ACSF2: variants seen among roughly 807,000 people sequenced by gnomAD.
ACSF2 encodes the protein medium-chain acyl-CoA ligase ACSF2, mitochondrial.
In ACSF2, 52 loss-of-function variants were observed where a neutral mutation model predicts 79.3. The observed-to-expected ratio is 0.66, with a 90% CI of 0.53 to 0.83. ACSF2 has a LOEUF of 0.83. ACSF2 is among the 40% of genes least tolerant of loss of function. The pLI is 0.00. For missense variants in ACSF2, 661 were observed against 803.3 expected (o/e 0.82, Z 2.14); for synonymous variants, 283 against 312.6 (o/e 0.91, Z 1.00).
rs146402683 is a variant in ACSF2 at position 50,449,168 on chromosome 17, C to A, written c.129-11509C>A. 7.9e-5 allele frequency among the ~76,000 whole-genome samples: 12 copies of A among 151,852 alleles called. No individual in the cohort carries two copies. In the East Asian group the frequency reaches 2.1e-3, roughly 27 times the overall value. ...AGTAGCCGGGACTACAGGCGCCCAC[C>A]ACAATGCCCAGCTAATTTTTGTGTT... is the stretch of plus-strand genomic sequence containing the variant. On this transcript the variant is annotated intron_variant, in intron 1 of 15. Coordinates refer to ENST00000300441, the MANE Select transcript of ACSF2 (RefSeq NM_025149.6).
At chr17:50,468,544 C>T (rs766967314) in intron 10 of ACSF2, 1 of 1,614,252 alleles carries the variant, frequency 6.2e-7, no homozygotes, top group Non-Finnish European at 8.5e-7. Context: ...CACCGGCGGC[C>T]ACCTCGCGGA....
At chr17:50,426,767 G>A in intron 1 of ACSF2, 1 of 926,776 alleles carries the variant, frequency 1.1e-6, no homozygotes, top group Non-Finnish European at 1.6e-6. Context: ...CCCTTCATGG[G>A]CAAACTTGGG....
At chr17:50,469,676 C>T (rs2033009052) in intron 10 of ACSF2, among the ~76,000 whole-genome samples, 1 of 152,242 alleles carries the variant, frequency 6.6e-6, no homozygotes, top group South Asian at 2.1e-4. Context: ...CCTTCATCGC[C>T]CCGAAATATC....
intron 1 of ACSF2, among the ~76,000 whole-genome samples, chr17:50,431,397 C>G (rs77721157): frequency 7.9e-4 from 120 of 152,302 alleles, no homozygotes; most frequent in Non-Finnish European, 1.7e-3. Flanking sequence ...TTAAAGATGT[C>G]AATCAAAGCA....
At chr17:50,470,176 C>A (rs1359647940) in intron 10 of ACSF2, 1 of 152,132 alleles carries the variant, frequency 6.6e-6, no homozygotes, top group Non-Finnish European at 1.5e-5. Context: ...TTAAAGGGGA[C>A]CTAGGATACG....
chr17:50,453,743 G>A (rs2031815831), intron 1 of ACSF2, among the ~76,000 whole-genome samples: 1 of 151,726 alleles, frequency 6.6e-6, no homozygotes, highest in African/African-American at 2.4e-5. Flanking sequence ...GTAGTTTTTT[G>A]TGGTTGTTGT....
chr17:50,445,086 T>A (rs1439045077), intron 1 of ACSF2, among the ~76,000 whole-genome samples: 2 of 152,006 alleles, frequency 1.3e-5, no homozygotes, highest in Non-Finnish European at 2.9e-5. Flanking sequence ...GGCTAATTTT[T>A]AAATTTTTTA....
intron 10 of ACSF2, among the ~76,000 whole-genome samples, chr17:50,467,405 G>T (rs1002850262): frequency 2.6e-5 from 4 of 152,202 alleles, no homozygotes; most frequent in African/African-American, 9.6e-5. Flanking sequence ...GGGAGCCCTT[G>T]GTCCCACGCC....
At chr17:50,442,325 ATTTTTTT>A (rs34855383) in intron 1 of ACSF2, among the ~76,000 whole-genome samples, 2 of 117,268 alleles carry the variant, frequency 1.7e-5, no homozygotes, top group African/African-American at 6.8e-5. Context: ...AAACAAAACA[ATTTTTTT>A]TTTTTTTTTT....
intron 10 of ACSF2, chr17:50,468,139 C>T: frequency 6.2e-7 from 1 of 1,614,164 alleles, no homozygotes; most frequent in Non-Finnish European, 8.5e-7. Context: ...TGTGGGACAG[C>T]TTCAGCTCCT....
Position 50,426,380 on chromosome 17 carries a change from G to T in ACSF2, c.119G>T (p.Arg40Leu), listed in dbSNP as rs1405753802. The change falls in exon 1 of 16, where the codon CGC becomes CTC. Residue 40 changes from arginine to leucine, a missense_variant. Transcript: ENST00000300441. ...SWQEARLQGV[R>L]FLSSREVDRM... ...CAGGAAGCCAGGTTGCAGGGTGTCC[G>T]CTTCCTCAGGTACTGGCCCCCCGCG... 8.0e-6 allele frequency: 11 copies of T among 1,370,610 alleles called. No homozygotes were observed. Among genetic ancestry groups the T allele is most frequent in the Non-Finnish European group, 9.5e-6 (10 of 1,054,576 alleles). The allele number at this position is 1,370,610 out of a possible 1,614,324, so 84.9% of individuals were successfully genotyped here. A position where few individuals can be genotyped will look rare whatever the true frequency, so the allele number is the denominator to read the frequency against.
chr17:50,465,822 A>T (rs139263357), intron 10 of ACSF2: 5 of 1,613,802 alleles, frequency 3.1e-6, no homozygotes, highest in Non-Finnish European at 4.2e-6. Context: ...TTGTTCTCCA[A>T]ATGGACGTGT....
intron 1 of ACSF2, among the ~76,000 whole-genome samples, chr17:50,432,914 A>G (rs1427688353): frequency 1.3e-5 from 2 of 152,100 alleles, no homozygotes; most frequent in Non-Finnish European, 2.9e-5. Context: ...CCTGATCCCT[A>G]AACCCAATAA....
rs1189519750 is a variant in ACSF2 at position 50,474,733 on chromosome 17, G to A, written c.*181G>A. On this transcript the variant is annotated 3_prime_UTR_variant, in exon 16 of 16. Coordinates refer to ENST00000300441, the MANE Select transcript of ACSF2 (RefSeq NM_025149.6). The surrounding 1 kb of genome is among the most constrained non-coding windows in gnomAD (Gnocchi z 4.2). Reference sequence around the variant, plus strand: ...GTCCGGGAACTCGCCTGGGCACAAGGTGCCAAAAGGCAGGCAGCCTGCCCA... The same window carrying A: ...GTCCGGGAACTCGCCTGGGCACAAGATGCCAAAAGGCAGGCAGCCTGCCCA... 9.6e-6 allele frequency: 6 copies of A among 625,934 alleles called. No individual in the cohort carries two copies. The highest frequency in any genetic ancestry group is 3.1e-5 in the Admixed American group (1 of 32,084). The allele number at this position is 625,934 out of a possible 1,614,324, so 38.8% of individuals were successfully genotyped here. A position where few individuals can be genotyped will look rare whatever the true frequency, so the allele number is the denominator to read the frequency against.
chr17:50,426,967 C>T lies in ACSF2; in HGVS notation c.128+578C>T, dbSNP rs137963759. The T allele has an allele frequency of 2.3e-4, 356 of 1,535,762 alleles. 1 individual carries two copies. In the African/African-American group the frequency reaches 4.2e-3, roughly 18 times the overall value. On this transcript the variant is annotated intron_variant, in intron 1 of 15. Transcript: ENST00000300441. ...TCAGTTCCCAGTAGCTTCACTGCCTCTGCAGCAGCACAGTAAGTAAAGCTG... is the reference window on the plus strand; with the variant it reads ...TCAGTTCCCAGTAGCTTCACTGCCTTTGCAGCAGCACAGTAAGTAAAGCTG...
chr17:50,450,619 A>G (rs577076321), intron 1 of ACSF2: 1 of 152,532 alleles, frequency 6.6e-6, no homozygotes, highest in East Asian at 1.9e-4. Flanking sequence ...CCAATGCTTA[A>G]TGTCCTTAAT....
chr17:50,454,735 G>T lies in ACSF2; in HGVS notation c.129-5942G>T, dbSNP rs1171727949. Among the ~76,000 whole-genome samples the T allele has an allele frequency of 3.9e-5, 6 of 152,336 alleles. No homozygotes were observed. In the East Asian group the frequency reaches 1.2e-3, roughly 29 times the overall value. ...TTATTCCACACAACGTGGCCAGCTA[G>T]ATGTCTGAGGGTGTGTCATGAGAGA... On this transcript the variant is annotated intron_variant, in intron 1 of 15. Coordinates refer to ENST00000300441, the MANE Select transcript of ACSF2 (RefSeq NM_025149.6).
At chr17:50,468,078 G>A in intron 10 of ACSF2, 2 of 1,610,342 alleles carry the variant, frequency 1.2e-6, no homozygotes, top group Middle Eastern at 1.7e-4. Flanking sequence ...AGGGTCTCCA[G>A]GTATCTGCCA....
At chr17:50,451,285 A>T (rs933341290) in intron 1 of ACSF2, among the ~76,000 whole-genome samples, 2 of 152,126 alleles carry the variant, frequency 1.3e-5, no homozygotes, top group Non-Finnish European at 2.9e-5. Context: ...GGCATATATT[A>T]TAACTAGGAG....
Sources: allele counts gnomAD v4.1 joint callset (sites outside exome capture counted in the v4.1 genomes callset), GRCh38; gene constraint gnomAD v4.1.1; non-coding constraint Gnocchi (gnomAD v3.1); transcripts MANE v1.5; gene names NCBI Gene and HGNC (gene_info 2026-07-23, HGNC 2026-07-21).